ANGPTL5: variants seen among roughly 807,000 people sequenced by gnomAD.
ANGPTL5 encodes the protein angiopoietin-related protein 5.
ANGPTL5 carries 34 observed loss-of-function variants against 39.4 expected under a neutral mutation model. That is an observed-to-expected ratio of 0.86 (90% CI 0.66 to 1.15). The LOEUF is 1.15. Among genes scored for constraint, ANGPTL5 ranks in the 50% most tolerant of loss-of-function variants. The pLI, the probability that ANGPTL5 is intolerant of heterozygous loss-of-function variation, is 0.00. For synonymous variants in ANGPTL5, 146 were observed against 152.1 expected (o/e 0.96, Z 0.29); for missense variants, 467 against 457.5 (o/e 1.02, Z -0.19).
In ANGPTL5 at chr11:101,891,464, G is replaced by A. The variant is rs201869415; in HGVS notation, c.982C>T (p.His328Tyr). Residue 328 changes from histidine to tyrosine, a missense_variant, in exon 9 of 9, where the codon CAT becomes TAT. His to Tyr is a moderately conservative substitution (Grantham distance 83, BLOSUM62 2). Coordinates refer to ENST00000334289, the MANE Select transcript of ANGPTL5 (RefSeq NM_178127.5). Reference sequence around the variant, plus strand: ...TTAAACCACCAGCCGGTCTTGTTATGGAGGTGACTGCAGCTCTTCACAGAC... The same window carrying A: ...TTAAACCACCAGCCGGTCTTGTTATAGAGGTGACTGCAGCTCTTCACAGAC... ...GQSVKSCSHL[H>Y]NKTGWWFNEC... 3.0e-4 allele frequency: 484 copies of A among 1,613,968 alleles called. No homozygotes were observed. The highest frequency in any genetic ancestry group is 3.9e-4 in the Non-Finnish European group (463 of 1,179,998).
rs752023846 is a variant in ANGPTL5, at chr11:101,895,076, AT to A, written c.662-13del. Reference sequence around the variant, plus strand: ...TAGCCAAAATTCTCCTGTAAAAAAAATGCTTTGTTTTAATATATTTTAATAC... The same window carrying A: ...TAGCCAAAATTCTCCTGTAAAAAAAAGCTTTGTTTTAATATATTTTAATAC... On this transcript the variant is annotated splice_polypyrimidine_tract_variant and intron_variant, in intron 7 of 8. Coordinates refer to ENST00000334289, the MANE Select transcript of ANGPTL5 (RefSeq NM_178127.5). 6.5e-7 allele frequency: 1 copy of A among 1,537,304 alleles called. No homozygotes were observed. Among genetic ancestry groups the A allele is most frequent in the Non-Finnish European group, 8.9e-7 (1 of 1,122,958 alleles).
At chr11:101,910,074 T>C (rs148781510) in intron 1 of ANGPTL5, among the ~76,000 whole-genome samples, 74 of 152,312 alleles carry the variant, frequency 4.9e-4, no homozygotes, top group African/African-American at 1.8e-3. Flanking sequence ...AATCATTCTT[T>C]GCTCAAATAA....
intron 5 of ANGPTL5, among the ~76,000 whole-genome samples, chr11:101,903,886 T>G (rs951042722): frequency 5.2e-4 from 58 of 112,340 alleles, no homozygotes; most frequent in Non-Finnish European, 1.1e-3. Context: ...TTCGGGCATT[T>G]TTTTTATTTC....
chr11:101,897,895 G>C (rs1401801581), intron 7 of ANGPTL5, among the ~76,000 whole-genome samples: 2 of 152,148 alleles, frequency 1.3e-5, no homozygotes, highest in East Asian at 3.8e-4. Context: ...TGTGAAGAAA[G>C]TCAATGGTAG....
chr11:101,904,927 T>A lies in ANGPTL5; in HGVS notation c.346-20A>T. Reference sequence around the variant, plus strand: ...GTTAACCTAAACACATGCATACACATTTAAGTAAATTTATATTTGAAGAAA... The same window carrying A: ...GTTAACCTAAACACATGCATACACAATTAAGTAAATTTATATTTGAAGAAA... On this transcript the variant is annotated intron_variant, in intron 4 of 8. Coordinates refer to ENST00000334289, the MANE Select transcript of ANGPTL5 (RefSeq NM_178127.5). 6.4e-7 allele frequency: 1 copy of A among 1,566,394 alleles called. No homozygotes were observed. The highest frequency in any genetic ancestry group is 8.8e-7 in the Non-Finnish European group (1 of 1,137,798).
intron 8 of ANGPTL5, among the ~76,000 whole-genome samples, chr11:101,894,655 G>A (rs1322316103): frequency 6.6e-6 from 1 of 152,110 alleles, no homozygotes; most frequent in African/African-American, 2.4e-5. Flanking sequence ...ATTACATAAG[G>A]CAAATTGTTT....
intron 7 of ANGPTL5, 103 bp from the exon 8 acceptor site, chr11:101,895,167 G>T: frequency 1.0e-6 from 1 of 991,442 alleles, no homozygotes; most frequent in Non-Finnish European, 1.5e-6. Context: ...ACTCTGAGAT[G>T]GCTCAGATAA....
rs528981383 is a variant in ANGPTL5 at position 101,891,603 on chromosome 11, GA to G, written c.848-6del. On this transcript the variant is annotated splice_polypyrimidine_tract_variant and splice_region_variant and intron_variant, in intron 8 of 8. Coordinates refer to ENST00000334289, the MANE Select transcript of ANGPTL5 (RefSeq NM_178127.5). ...TGAGACCCCGGAATGCATCACCTGG[GA>G]AAAAAATTTTTAATGATCGAATTTA... The G allele has an allele frequency of 8.1e-6, 13 of 1,613,010 alleles. No individual in the cohort carries two copies. The Admixed American group carries it at 1.0e-4, about 12-fold the overall frequency.
intron 5 of ANGPTL5, among the ~76,000 whole-genome samples, chr11:101,902,956 A>G (rs1007086835): frequency 2.0e-5 from 3 of 152,106 alleles, no homozygotes; most frequent in African/African-American, 7.2e-5. Context: ...TTAGTTTCCT[A>G]TACTATTTAA....
chr11:101,911,203 A>T (rs1391512906), intron 1 of ANGPTL5, among the ~76,000 whole-genome samples: 1 of 135,118 alleles, frequency 7.4e-6, no homozygotes, highest in African/African-American at 2.8e-5. Flanking sequence ...GGCTCACTGC[A>T]ACCTCTGCCT....
chr11:101,911,668 A>C (rs913425864), intron 1 of ANGPTL5, among the ~76,000 whole-genome samples: 1 of 152,070 alleles, frequency 6.6e-6, no homozygotes, highest in Admixed American at 6.6e-5. Flanking sequence ...AGCTCCCTAA[A>C]GCCTCCCCAG....
chr11:101,891,313 T>A lies in ANGPTL5; in HGVS notation c.1133A>T (p.Lys378Ile), dbSNP rs1213252134. 3.7e-6 allele frequency: 6 copies of A among 1,613,390 alleles called. No homozygotes were observed. Among genetic ancestry groups the A allele is most frequent in the Admixed American group, 3.3e-5 (2 of 59,970 alleles). The change falls in exon 9 of 9, where the codon AAA (lysine) becomes ATA (isoleucine). Residue 378 changes from lysine (K) to isoleucine (I), a missense_variant. Lys to Ile is a moderately radical substitution (Grantham distance 102, BLOSUM62 -3). Coordinates refer to ENST00000334289, the MANE Select transcript of ANGPTL5 (RefSeq NM_178127.5). Reference sequence around the variant, plus strand: ...ATATGGATTGTACATTCTTCTAATTTTCATTGAAACAGATTTAATCTTGAC... The same window carrying A: ...ATATGGATTGTACATTCTTCTAATTATCATTGAAACAGATTTAATCTTGAC... ...SPVKIKSVSM[K>I]IRRMYNPYFK
chr11:101,912,717 A>G (rs1940110331), intron 1 of ANGPTL5, among the ~76,000 whole-genome samples: 1 of 152,192 alleles, frequency 6.6e-6, no homozygotes, highest in African/African-American at 2.4e-5. Context: ...CACTGACTGA[A>G]TAGACCCCCT....
intron 8 of ANGPTL5, among the ~76,000 whole-genome samples, chr11:101,893,627 G>T (rs1241982991): frequency 6.6e-6 from 1 of 152,150 alleles, no homozygotes; most frequent in Non-Finnish European, 1.5e-5. Flanking sequence ...ATCTTTCAGA[G>T]AATCCCCACA....
At chr11:101,895,609 G>A (rs1358150569) in intron 7 of ANGPTL5, among the ~76,000 whole-genome samples, 2 of 152,134 alleles carry the variant, frequency 1.3e-5, no homozygotes, top group African/African-American at 4.8e-5. Flanking sequence ...CAATGCAGCT[G>A]GTTAATTTCC....
chr11:101,915,251 G>C (rs934091173), intron 1 of ANGPTL5: 3 of 1,611,608 alleles, frequency 1.9e-6, no homozygotes, highest in Non-Finnish European at 2.5e-6. Flanking sequence ...GGGAGGTTCT[G>C]GGGGCGAGCA....
At chr11:101,915,189 G>T in intron 1 of ANGPTL5, 2 of 1,541,442 alleles carry the variant, frequency 1.3e-6, no homozygotes, top group Middle Eastern at 2.4e-4. Context: ...CCTGAGAGAC[G>T]GAGTGTAGGG....
chr11:101,892,714 T>C (rs747289659), intron 8 of ANGPTL5, among the ~76,000 whole-genome samples: 21 of 152,208 alleles, frequency 1.4e-4, no homozygotes, highest in Non-Finnish European at 2.6e-4. Context: ...TATGTAAGCT[T>C]TGGCTAATGT....
rs575339790 is a variant in ANGPTL5 at position 101,894,808 on chromosome 11, T to C, written c.847+71A>G. 110 of 1,379,538 alleles carry C rather than the reference T, an allele frequency of 8.0e-5. 1 individual carries two copies. The South Asian group carries it at 1.2e-3, about 16-fold the overall frequency. 85.5% of individuals were successfully genotyped at this position (1,379,538 alleles called of 1,614,324 possible). ...TATATACAAAGACAAATGCATTATT[T>C]TTATCTTCACTTAATAATGAGTCAG... On this transcript the variant is annotated intron_variant, in intron 8 of 8. Transcript: ENST00000334289.
Sources: allele counts gnomAD v4.1 joint callset (sites outside exome capture counted in the v4.1 genomes callset), GRCh38; gene constraint gnomAD v4.1.1; transcripts MANE v1.5; gene names NCBI Gene and HGNC (gene_info 2026-07-23, HGNC 2026-07-21).